The following CARS1 variants were observed in gnomAD, a reference collection of about 807,000 sequenced individuals.
CARS1 encodes the protein cysteine--tRNA ligase, cytoplasmic.
In CARS1, 48 loss-of-function variants were observed where a neutral mutation model predicts 106.2. The ratio of observed to expected loss-of-function variants is 0.45; its 90% CI spans 0.36 to 0.57. CARS1 has a LOEUF of 0.57. Among genes scored for constraint, CARS1 ranks in the 20% least tolerant of loss-of-function variants. CARS1 has a pLI of 0.00. For synonymous variants in CARS1, 409 were observed against 403.4 expected (o/e 1.01, Z -0.17); for missense variants, 968 against 1,057.2 (o/e 0.92, Z 1.17).
At chr11:3,042,326 G>GAA in intron 2 of CARS1, 70 bp from the exon 3 acceptor site, 2 of 1,104,866 alleles carry the variant, frequency 1.8e-6, no homozygotes, top group Non-Finnish European at 2.7e-6. Flanking sequence ...CTCTTCACCT[G>GAA]GAGACTTGGT....
chr11:3,013,966 C>A (rs1283817364), intron 17 of CARS1, among the ~76,000 whole-genome samples: 1 of 152,150 alleles, frequency 6.6e-6, no homozygotes, highest in Non-Finnish European at 1.5e-5. Flanking sequence ...CAGAAACACA[C>A]AAATTTAGCA....
Position 3,017,905 on chromosome 11 carries a change from G to A in CARS1, c.1679C>T (p.Thr560Ile). ...KDILRAPVDITGQFEKWGEEE... is the reference protein window; with the variant it reads ...KDILRAPVDIIGQFEKWGEEE... The stretch of plus-strand genomic sequence containing the variant: ...TTCTCCCCACTTCTCAAACTGACCA[G>A]TGATGTCAACAGGAGCGCGAAGGAT... The change falls in exon 15 of 23, where the codon ACT becomes ATT. Residue 560 changes from threonine (T) to isoleucine (I), a missense_variant. Thr to Ile is a moderately conservative substitution (Grantham distance 89). Transcript: ENST00000380525. The surrounding 1 kb of genome is among the most constrained non-coding windows in gnomAD (Gnocchi z 4.9). 1 of 1,613,898 alleles carries A rather than the reference G, an allele frequency of 6.2e-7. No individual in the cohort carries two copies. The highest frequency in any genetic ancestry group is 8.5e-7 in the Non-Finnish European group (1 of 1,179,800).
chr11:3,028,853 G>A lies in CARS1; in HGVS notation c.1031+143C>T, dbSNP rs1455859308. On this transcript the variant is annotated intron_variant, in intron 9 of 22. Coordinates refer to ENST00000380525, the MANE Select transcript of CARS1 (RefSeq NM_001014437.3). This position sits in a 1 kb window ranked among gnomAD's most constrained non-coding sequence, Gnocchi z 4.4. ...CCCCTGGGTGGGCCCAGAGTTGTAG[G>A]AGGAAGTCTGCTGGGACTTCTAGCT... The A allele has an allele frequency of 1.0e-5, 7 of 670,158 alleles. No individual in the cohort carries two copies. The highest frequency in any genetic ancestry group is 2.4e-5 in the Admixed American group (1 of 41,498). The allele number at this position is 670,158 out of a possible 1,614,324, so 41.5% of individuals were successfully genotyped here.
At chr11:3,005,984 T>A (rs1849823700) in intron 19 of CARS1, among the ~76,000 whole-genome samples, 1 of 152,066 alleles carries the variant, frequency 6.6e-6, no homozygotes, top group African/African-American at 2.4e-5. Context: ...ACATCTGAGA[T>A]TTAAAATTAC....
intron 20 of CARS1, among the ~76,000 whole-genome samples, chr11:3,005,107 CA>C (rs71035465): frequency 0.35 from 31,859 of 89,898 alleles, 2,474 homozygotes; most frequent in East Asian, 0.52. Context: ...GACTCCGTCT[CA>C]AAAAAAAAAA....
chr11:3,052,424 G>T lies in CARS1; in HGVS notation c.26-4423C>A, dbSNP rs901969421. The stretch of plus-strand genomic sequence containing the variant: ...TCGCTCTGGTATTATTAATGTTATT[G>T]TAATAGCCGCATGCTACACACAGAG... On this transcript the variant is annotated intron_variant, in intron 1 of 22. Coordinates refer to ENST00000380525, the MANE Select transcript of CARS1 (RefSeq NM_001014437.3). This position sits in a 1 kb window ranked among gnomAD's most constrained non-coding sequence, Gnocchi z 4.6. Among the ~76,000 whole-genome samples the T allele has an allele frequency of 6.6e-6, 1 of 152,214 alleles. No individual in the cohort carries two copies. The highest frequency in any genetic ancestry group is 2.4e-5 in the African/African-American group (1 of 41,458).
Position 3,001,970 on chromosome 11 carries a change from A to C in CARS1, c.2361T>G (p.Asn787Lys). Residue 787 changes from asparagine to lysine, a missense_variant and splice_region_variant, in exon 22 of 23, where the codon AAT (asparagine) becomes AAG (lysine). Physicochemically the swap from Asn to Lys is moderately conservative, Grantham distance 94. Coordinates refer to ENST00000380525, the MANE Select transcript of CARS1 (RefSeq NM_001014437.3). Reference sequence around the variant, plus strand: ...AAGAGAAGGATGCTTACATGCTTACATTTTCATCAAACTTGGAGTATTTGT... The same window carrying C: ...AAGAGAAGGATGCTTACATGCTTACCTTTTCATCAAACTTGGAGTATTTGT... ...ETDKYSKFDE[N>K]GLPTHDMEGK... 1 of 1,607,814 alleles carries C rather than the reference A, an allele frequency of 6.2e-7. No individual in the cohort carries two copies. Among genetic ancestry groups the C allele is most frequent in the Non-Finnish European group, 8.5e-7 (1 of 1,174,296 alleles).
chr11:3,040,825 T>A lies in CARS1; in HGVS notation c.455+71A>T. On this transcript the variant is annotated intron_variant, in intron 4 of 22. Transcript: ENST00000380525. This position sits in a 1 kb window ranked among gnomAD's most constrained non-coding sequence, Gnocchi z 5.8. Reference sequence around the variant, plus strand: ...ATCTTTGTGGACCTAAGATCGCTGCTGTGGATCCCAATGGCTCTGACTTCT... The same window carrying A: ...ATCTTTGTGGACCTAAGATCGCTGCAGTGGATCCCAATGGCTCTGACTTCT... The A allele has an allele frequency of 6.6e-7, 1 of 1,525,268 alleles. No homozygotes were observed. Among genetic ancestry groups the A allele is most frequent in the Non-Finnish European group, 9.0e-7 (1 of 1,114,328 alleles). 94.5% of individuals were successfully genotyped at this position (1,525,268 alleles called of 1,614,324 possible).
intron 10 of CARS1, among the ~76,000 whole-genome samples, chr11:3,024,699 C>T (rs1181810916): frequency 1.3e-5 from 2 of 151,966 alleles, no homozygotes; most frequent in Non-Finnish European, 2.9e-5. Context: ...CCTCCTGCCT[C>T]GGCCTCCCAA....
Position 3,034,959 on chromosome 11 carries a change from G to A in CARS1, c.801+3091C>T, listed in dbSNP as rs1853418677. Among the ~76,000 whole-genome samples the A allele has an allele frequency of 6.6e-6, 1 of 152,178 alleles. No individual in the cohort carries two copies. The highest frequency in any genetic ancestry group is 2.4e-5 in the African/African-American group (1 of 41,442). ...TGGGGACTTTTCCCAGAGTCCCAAG[G>A]TGGCGCAGAGCATCACATGGCCAGG... On this transcript the variant is annotated intron_variant, in intron 7 of 22. Coordinates refer to ENST00000380525, the MANE Select transcript of CARS1 (RefSeq NM_001014437.3). This position sits in a 1 kb window ranked among gnomAD's most constrained non-coding sequence, Gnocchi z 6.3.
In CARS1 at chr11:3,042,265, CAG is replaced by C. The variant is rs779921808; in HGVS notation, c.275-11_275-10del. 3.1e-6 allele frequency: 5 copies of C among 1,608,060 alleles called. No homozygotes were observed. The Admixed American group carries it at 8.3e-5, about 27-fold the overall frequency. The stretch of plus-strand genomic sequence containing the variant: ...CACACGCCGGCCTTTGCCTGGGAGG[CAG>C]AGAGAGCAGGATCAGGGTCCAGGGG... On this transcript the variant is annotated splice_polypyrimidine_tract_variant and intron_variant, in intron 2 of 22. Transcript: ENST00000380525.
chr11:3,016,711 T>A (rs1425016076), intron 16 of CARS1, among the ~76,000 whole-genome samples: 5 of 152,164 alleles, frequency 3.3e-5, no homozygotes, highest in African/African-American at 9.6e-5. Context: ...CCTCCTGGGC[T>A]CAAGCGAGCC....
Position 3,021,597 on chromosome 11 carries a change from T to C in CARS1, c.1154-1265A>G, listed in dbSNP as rs1851575275. ...AAGTTCATGATTATAAAATATGTAC[T>C]AAATGTAGAATATTTGAAAGATAAA... On this transcript the variant is annotated intron_variant, in intron 10 of 22. Transcript: ENST00000380525. This position sits in a 1 kb window ranked among gnomAD's most constrained non-coding sequence, Gnocchi z 5.3. Among the ~76,000 whole-genome samples, 1 of 152,238 alleles carries C rather than the reference T, an allele frequency of 6.6e-6. No individual in the cohort carries two copies. Among genetic ancestry groups the C allele is most frequent in the South Asian group, 2.1e-4 (1 of 4,832 alleles).
At position 3,017,988 on chromosome 11, in the gene CARS1, G is replaced by C; in HGVS notation, c.1630-34C>G. ...AGAAAAATCAGTTTAACAGCATTTA[G>C]GCAACTTTTCCATCCTGAAATATCT... is the stretch of plus-strand genomic sequence containing the variant. On this transcript the variant is annotated intron_variant, in intron 14 of 22. Transcript: ENST00000380525. The surrounding 1 kb of genome is among the most constrained non-coding windows in gnomAD (Gnocchi z 4.9). 6.9e-7 allele frequency: 1 copy of C among 1,439,816 alleles called. No homozygotes were observed. The highest frequency in any genetic ancestry group is 9.7e-7 in the Non-Finnish European group (1 of 1,026,162). 89.2% of individuals were successfully genotyped at this position (1,439,816 alleles called of 1,614,324 possible). A position where few individuals can be genotyped will look rare whatever the true frequency, so the allele number is the denominator to read the frequency against.
At position 3,017,287 on chromosome 11, in the gene CARS1, T is replaced by C. The variant is rs757319248; in HGVS notation, c.1736A>G (p.Asp579Gly). The C allele has an allele frequency of 4.3e-6, 7 of 1,611,544 alleles. No homozygotes were observed. Among genetic ancestry groups the C allele is most frequent in the Non-Finnish European group, 5.9e-6 (7 of 1,177,870 alleles). The change falls in exon 16 of 23, where the codon GAC becomes GGC. Residue 579 changes from aspartate (D) to glycine (G), a missense_variant. Physicochemically the swap from Asp to Gly is moderately conservative, Grantham distance 94. Coordinates refer to ENST00000380525, the MANE Select transcript of CARS1 (RefSeq NM_001014437.3). The surrounding 1 kb of genome is among the most constrained non-coding windows in gnomAD (Gnocchi z 4.9). ...GGCTTTGTGAATTGCTGTCTTCTTGTCATAAAAGCTGAGCAACAAAGAGGA... is the reference window on the plus strand; with the variant it reads ...GGCTTTGTGAATTGCTGTCTTCTTGCCATAAAAGCTGAGCAACAAAGAGGA... ...EEAELNKNFY[D>G]KKTAIHKALC...
chr11:3,017,816 TG>T lies in CARS1; in HGVS notation c.1727+40del. On this transcript the variant is annotated intron_variant, in intron 15 of 22. Transcript: ENST00000380525. The surrounding 1 kb of genome is among the most constrained non-coding windows in gnomAD (Gnocchi z 4.9). The stretch of plus-strand genomic sequence containing the variant: ...AAGATGCGAGGCTAGGCATAGAACA[TG>T]GGCATGCTCAAAAACCCCAAAGAAA... The T allele has an allele frequency of 7.4e-7, 1 of 1,355,210 alleles. No homozygotes were observed. Among genetic ancestry groups the T allele is most frequent in the Non-Finnish European group, 1.1e-6 (1 of 944,550 alleles). 83.9% of individuals were successfully genotyped at this position (1,355,210 alleles called of 1,614,324 possible). A position where few individuals can be genotyped will look rare whatever the true frequency, so the allele number is the denominator to read the frequency against.
intron 20 of CARS1, among the ~76,000 whole-genome samples, chr11:3,005,067 C>T (rs1849724590): frequency 1.4e-5 from 2 of 143,036 alleles, no homozygotes; most frequent in African/African-American, 5.2e-5. Context: ...AAGATCGTGC[C>T]ACTGCACTCC....
chr11:3,017,171 C>A lies in CARS1; in HGVS notation c.1852G>T (p.Val618Leu). Residue 618 changes from valine (V) to leucine (L), a missense_variant, in exon 16 of 23, where the codon GTG becomes TTG. Val to Leu is a conservative substitution (Grantham distance 32, BLOSUM62 1). Coordinates refer to ENST00000380525, the MANE Select transcript of CARS1 (RefSeq NM_001014437.3). The surrounding 1 kb of genome is among the most constrained non-coding windows in gnomAD (Gnocchi z 4.9). ...AGAGCCTGGTTGGGCCTCTTCCTCA[C>A]GGCTTTCCGGGCTGCCATATAGAGG... ...CNLYMAARKA[V>L]RKRPNQALLE... 1 of 1,614,164 alleles carries A rather than the reference C, an allele frequency of 6.2e-7. No individual in the cohort carries two copies. Among genetic ancestry groups the A allele is most frequent in the Non-Finnish European group, 8.5e-7 (1 of 1,180,014 alleles).
At position 3,005,432 on chromosome 11, in the gene CARS1, T is replaced by C. The variant is rs753297874; in HGVS notation, c.2151A>G (p.Gly717=). Residue 717 remains glycine, a splice_region_variant and synonymous_variant, in exon 20 of 23, where the codon GGA becomes GGG. Coordinates refer to ENST00000380525, the MANE Select transcript of CARS1 (RefSeq NM_001014437.3). ...CTACCAGTTTCACCACTGTGGGCAG[T>C]CCTGCAAAATAAACTGCGTGTGAGA... The part of the protein sequence containing the change: ...ELGVRFEDHE[G]LPTVVKLVDR... The C allele has an allele frequency of 3.1e-6, 5 of 1,613,340 alleles. No homozygotes were observed. Among genetic ancestry groups the C allele is most frequent in the East Asian group, 2.2e-5 (1 of 44,882 alleles).
Sources: gnomAD v4.1 joint callset for allele counts (sites outside exome capture counted in the v4.1 genomes callset) on GRCh38, gnomAD v4.1.1 for gene constraint, Gnocchi (gnomAD v3.1) non-coding constraint, MANE v1.5 for transcripts, NCBI Gene and HGNC (gene_info 2026-07-23, HGNC 2026-07-21) for gene names.